WDR90: variants seen among roughly 807,000 people sequenced by gnomAD.
The protein encoded by WDR90 is WD repeat-containing protein 90.
Under a neutral mutation model 195.2 loss-of-function variants are expected in WDR90, and 238 were observed. The ratio of observed to expected loss-of-function variants is 1.22; its 90% CI spans 1.10 to 1.36. The LOEUF (loss-of-function observed/expected upper bound fraction) is 1.36. Ranked by LOEUF, WDR90 falls within the 40% of genes most tolerant of loss-of-function variation. The probability of loss-of-function intolerance (pLI) is 0.00; values close to 1 mark genes in which losing one functional copy is unlikely to be tolerated. For synonymous variants in WDR90, 1,265 were observed against 1,052.4 expected (o/e 1.20, Z -3.91); for missense variants, 2,734 against 2,439.5 (o/e 1.12, Z -2.54).
rs2037942236 is a variant in WDR90, at chr16:662,705, TG to T, written c.4173del (p.Leu1392TrpfsTer6). ...TCTGTGTTCATGGAACACGAGCTGG[TG>T]CTGGACGGGGCTGTGGTGAGTGCCA... ...ASSVFMEHEL[V>X]LDGAVVSASF... On this transcript the variant is annotated frameshift_variant, in exon 34 of 41. Coordinates refer to ENST00000293879, the MANE Select transcript of WDR90 (RefSeq NM_145294.5). LOFTEE classifies it high-confidence loss of function. 1 of 1,569,124 alleles carries T rather than the reference TG, an allele frequency of 6.4e-7. No individual in the cohort carries two copies. The highest frequency in any genetic ancestry group is 8.7e-7 in the Non-Finnish European group (1 of 1,153,274).
chr16:655,857 C>T lies in WDR90; in HGVS notation c.1934C>T (p.Pro645Leu), dbSNP rs778560044. Reference protein sequence around the residue: ...GSEDGFLRLWPLDFSSVLLEA... With the variant: ...GSEDGFLRLWLLDFSSVLLEA... ...GAGGACGGCTTCTTGCGGCTCTGGC[C>T]CCTGGACTTCTCCTCGGTGCTCCTG... The change falls in exon 17 of 41, where the codon CCC becomes CTC. Residue 645 changes from proline to leucine, a missense_variant. By Grantham distance (98) the Pro-to-Leu change is moderately conservative. Coordinates refer to ENST00000293879, the MANE Select transcript of WDR90 (RefSeq NM_145294.5). 1 of 1,599,022 alleles carries T rather than the reference C, an allele frequency of 6.3e-7. No individual in the cohort carries two copies. Among genetic ancestry groups the T allele is most frequent in the South Asian group, 1.1e-5 (1 of 89,024 alleles).
At chr16:653,862 G>A (rs2037694067) in intron 13 of WDR90, 59 bp downstream of exon 13, 5 of 1,594,520 alleles carry the variant, frequency 3.1e-6, no homozygotes, top group Non-Finnish European at 4.3e-6. Context: ...CAGACAGCTG[G>A]AAGGGTCTTG....
chr16:652,311 C>G, intron 9 of WDR90, 156 bp from the exon 10 acceptor site: 2 of 941,446 alleles, frequency 2.1e-6, no homozygotes, highest in Non-Finnish European at 3.1e-6. Context: ...GGAGTCCCAG[C>G]TTCCACCTTA....
intron 5 of WDR90, 83 bp from the exon 6 acceptor site, chr16:650,912 G>A (rs2037632325): frequency 1.3e-6 from 2 of 1,537,654 alleles, no homozygotes; most frequent in African/African-American, 1.4e-5. Context: ...CTGGGCTGGT[G>A]GCGTGGCAGT....
Position 652,011 on chromosome 16 carries a change from T to A in WDR90, c.1025T>A (p.Val342Glu). Reference sequence around the variant, plus strand: ...GTGTTGACTCACGAGTCGGCTGAGGTGCCCGTGGCCCGCACCGGCTCCTGC... The same window carrying A: ...GTGTTGACTCACGAGTCGGCTGAGGAGCCCGTGGCCCGCACCGGCTCCTGC... ...THVLTHESAE[V>E]PVARTGSCEG... Residue 342 changes from valine to glutamate, a missense_variant, in exon 9 of 41, where the codon GTG (valine) becomes GAG (glutamate). Val to Glu is a moderately radical substitution (Grantham distance 121). Transcript: ENST00000293879. 1 of 1,602,406 alleles carries A rather than the reference T, an allele frequency of 6.2e-7. No homozygotes were observed. Among genetic ancestry groups the A allele is most frequent in the Non-Finnish European group, 8.5e-7 (1 of 1,176,136 alleles).
At position 651,861 on chromosome 16, in the gene WDR90, C is replaced by T. The variant is rs151263778; in HGVS notation, c.875C>T (p.Pro292Leu). The change falls in exon 9 of 41, where the codon CCG becomes CTG. Residue 292 changes from proline (P) to leucine (L), a missense_variant. Physicochemically the swap from Pro to Leu is moderately conservative, Grantham distance 98. Coordinates refer to ENST00000293879, the MANE Select transcript of WDR90 (RefSeq NM_145294.5). ...GCCGCCTTGGCACCCAGGCCCTTCC[C>T]GGAGGTCAGCCTGTCCCAAGAGCGC... ...GRAALAPRPF[P>L]EVSLSQERSD... is the part of the protein sequence containing the mutation. The T allele has an allele frequency of 1.7e-5, 28 of 1,610,366 alleles. No individual in the cohort carries two copies. Among genetic ancestry groups the T allele is most frequent in the East Asian group, 8.9e-5 (4 of 44,870 alleles).
chr16:657,930 C>A, intron 21 of WDR90, 38 bp downstream of exon 21: 1 of 1,509,468 alleles, frequency 6.6e-7, no homozygotes. Flanking sequence ...GGAGACTGGG[C>A]CATGAGAGGC....
At chr16:659,591 T>G (rs1769852758) in intron 26 of WDR90, among the ~76,000 whole-genome samples, 1 of 152,174 alleles carries the variant, frequency 6.6e-6, no homozygotes, top group African/African-American at 2.4e-5. Flanking sequence ...GGGGGCAGCT[T>G]TTCCTCTCCC....
At position 658,098 on chromosome 16, in the gene WDR90, C is replaced by T. The variant is rs542079258; in HGVS notation, c.2605-85C>T. The T allele has an allele frequency of 9.4e-4, 1,436 of 1,528,588 alleles. 21 individuals are homozygous for T. In the South Asian group the frequency reaches 0.012, roughly 13 times the overall value. The allele number at this position is 1,528,588 out of a possible 1,614,324, so 94.7% of individuals were successfully genotyped here. On this transcript the variant is annotated intron_variant, in intron 21 of 40. Coordinates refer to ENST00000293879, the MANE Select transcript of WDR90 (RefSeq NM_145294.5). ...TGCCTGGGTGCCGAGTGCGTGTCCC[C>T]GGGACCTCCCTCCCGAGCCTGACCC... is the stretch of plus-strand genomic sequence containing the variant.
At chr16:649,204 A>G, upstream of WDR90, 1 of 464,410 alleles carries the variant, frequency 2.2e-6, no homozygotes, top group Non-Finnish European at 3.5e-6. Context: ...CGCGGGGCAA[A>G]GGGCAGCGGG....
chr16:651,195 C>T lies in WDR90; in HGVS notation c.669-4C>T. On this transcript the variant is annotated splice_region_variant and splice_polypyrimidine_tract_variant and intron_variant, in intron 6 of 40. Transcript: ENST00000293879. ...AGACACTGACTCTCCCTCTGCCTGC[C>T]AAGGTTTCCAAGTGAGAGCTTGAAA... 2 of 1,613,226 alleles carry T rather than the reference C, an allele frequency of 1.2e-6. No homozygotes were observed. The highest frequency in any genetic ancestry group is 8.5e-7 in the Non-Finnish European group (1 of 1,179,984).
chr16:665,685 G>A lies in WDR90; in HGVS notation c.4318G>A (p.Glu1440Lys), dbSNP rs150784706. The change falls in exon 35 of 41, where the codon GAG becomes AAG. Residue 1440 changes from glutamate (E) to lysine (K), a missense_variant. Glu to Lys is a moderately conservative substitution (Grantham distance 56). Coordinates refer to ENST00000293879, the MANE Select transcript of WDR90 (RefSeq NM_145294.5). Reference protein sequence around the residue: ...LISGHRSKVNEVVFSPGESHC... With the variant: ...LISGHRSKVNKVVFSPGESHC... ...TAGCTACGGCTTCCCCCAGGTGAAC[G>A]AGGTGGTCTTCAGCCCCGGGGAGTC... The A allele has an allele frequency of 2.7e-5, 44 of 1,612,680 alleles. 1 individual carries two copies. The Middle Eastern group carries it at 5.0e-4, about 18-fold the overall frequency.
intron 1 of WDR90, 150 bp downstream of exon 1, chr16:649,576 CG>C: frequency 2.4e-5 from 28 of 1,171,374 alleles, no homozygotes; most frequent in Non-Finnish European, 3.1e-5. Flanking sequence ...CGCCCACCCT[CG>C]GGCTCCCGGA....
In WDR90 at chr16:655,271, C is replaced by T. The variant is rs773769454; in HGVS notation, c.1557-36C>T. 46 of 1,609,680 alleles carry T rather than the reference C, an allele frequency of 2.9e-5. 1 individual carries two copies. In the East Asian group the frequency reaches 5.8e-4, roughly 20 times the overall value. On this transcript the variant is annotated intron_variant, in intron 14 of 40. Transcript: ENST00000293879. ...CGTCTCCCGGTGGGTCAGGGCGCTG[C>T]GAGCTGCGGCAGTGCTCAGTCCTCA...
chr16:662,435 C>G (rs1409577981), intron 33 of WDR90, 104 bp downstream of exon 33: 1 of 1,390,538 alleles, frequency 7.2e-7, no homozygotes, highest in East Asian at 2.5e-5. Flanking sequence ...CCCTGCAGAC[C>G]GGCCGCCTGC....
In WDR90 at chr16:667,556, C is replaced by G. The variant is rs750003679; in HGVS notation, c.5214C>G (p.Asn1738Lys). The change falls in exon 41 of 41, where the codon AAC becomes AAG. Residue 1738 changes from asparagine to lysine, a missense_variant. Transcript: ENST00000293879. ...SARLLFTAAR[N>K]EILVWEVPGL is the part of the protein sequence containing the mutation. ...GGCTGCTCTTCACGGCCGCCCGCAA[C>G]GAGATCCTTGTGTGGGAGGTCCCCG... 11 of 1,610,802 alleles carry G rather than the reference C, an allele frequency of 6.8e-6. No homozygotes were observed. The South Asian group carries it at 7.7e-5, about 11-fold the overall frequency.
At chr16:652,277 C>T (rs2037662921) in intron 9 of WDR90, 190 bp from the exon 10 acceptor site, 1 of 807,170 alleles carries the variant, frequency 1.2e-6, no homozygotes, top group Non-Finnish European at 1.9e-6. Context: ...TGTGGGGGAC[C>T]CTCGAAGGTC....
Position 659,309 on chromosome 16 carries a change from C to A in WDR90, c.3117C>A (p.Val1039=). The A allele has an allele frequency of 6.2e-7, 1 of 1,600,832 alleles. No homozygotes were observed. Among genetic ancestry groups the A allele is most frequent in the Admixed American group, 1.7e-5 (1 of 58,030 alleles). Reference sequence around the variant, plus strand: ...CCAGCGAGCTCCCCCGGCAGCAGGTCCCCAAGCCATGTCAGGCATCTCCAC... The same window carrying A: ...CCAGCGAGCTCCCCCGGCAGCAGGTACCCAAGCCATGTCAGGCATCTCCAC... The part of the protein sequence containing the change: ...SRASELPRQQ[V]PKPCQASPPR... The change falls in exon 26 of 41, where the codon GTC becomes GTA. Residue 1039 remains valine (V), a synonymous_variant. Transcript: ENST00000293879.
chr16:667,240 C>G (rs2038110447), intron 40 of WDR90, among the ~76,000 whole-genome samples, 192 bp from the exon 41 acceptor site: 1 of 152,240 alleles, frequency 6.6e-6, no homozygotes, highest in Non-Finnish European at 1.5e-5. Context: ...ACTGGCCCAG[C>G]TGCAGGCCGA....
Sources: gnomAD v4.1 joint callset for allele counts (sites outside exome capture counted in the v4.1 genomes callset) on GRCh38, gnomAD v4.1.1 for gene constraint, MANE v1.5 for transcripts, NCBI Gene and HGNC (gene_info 2026-07-23, HGNC 2026-07-21) for gene names.